Variants in GRAMD1A observed in about 807,000 individuals in gnomAD.
GRAMD1A encodes the protein GRAM domain containing 1A.
A neutral mutation model predicts 92.0 loss-of-function variants in GRAMD1A; 50 were observed. The observed-to-expected ratio is 0.54, with a 90% CI of 0.43 to 0.69. GRAMD1A has a LOEUF of 0.69. Ranked by LOEUF, GRAMD1A falls within the 30% of genes least tolerant of loss-of-function variation. The pLI is 0.00. For synonymous variants in GRAMD1A, 405 were observed against 403.6 expected, an observed-to-expected ratio of 1.00 and a Z score of -0.04; for missense variants, 819 against 978.9, an observed-to-expected ratio of 0.84 and a Z score of 2.18.
chr19:35,011,620 C>T (rs2015250958), intron 7 of GRAMD1A, 66 bp downstream of exon 7: 1 of 1,186,184 alleles, frequency 8.4e-7, no homozygotes, highest in Non-Finnish European at 1.2e-6. Context: ...CCAGGGACCC[C>T]AGAACTTGCG....
chr19:35,017,148 C>T (rs1475076315), intron 11 of GRAMD1A, among the ~76,000 whole-genome samples: 2 of 151,162 alleles, frequency 1.3e-5, no homozygotes, highest in Non-Finnish European at 2.9e-5. Flanking sequence ...GCACCTCAGC[C>T]TGGGTGACAG....
chr19:35,013,956 G>A lies in GRAMD1A; in HGVS notation c.871-233G>A, dbSNP rs191467953. On this transcript the variant is annotated intron_variant, in intron 9 of 19. Coordinates refer to ENST00000317991, the MANE Select transcript of GRAMD1A (RefSeq NM_020895.5). The surrounding 1 kb of genome is among the most constrained non-coding windows in gnomAD (Gnocchi z 4.9). Reference sequence around the variant, plus strand: ...TAGATGAAGCAGCAGACAGACAGACGGACAGGACAGGTAAGAAAGCTTATG... The same window carrying A: ...TAGATGAAGCAGCAGACAGACAGACAGACAGGACAGGTAAGAAAGCTTATG... Among the ~76,000 whole-genome samples the A allele has an allele frequency of 2.8e-3, 427 of 152,284 alleles. 2 individuals are homozygous for A. Among genetic ancestry groups the A allele is most frequent in the Non-Finnish European group, 4.7e-3 (317 of 68,020 alleles).
At chr19:35,014,833 C>T (rs910089977) in intron 10 of GRAMD1A, 4 of 177,792 alleles carry the variant, frequency 2.2e-5, no homozygotes, top group Non-Finnish European at 4.9e-5. Flanking sequence ...TGGAGAACAG[C>T]CTGGGCAGCA....
chr19:35,022,860 G>T, intron 16 of GRAMD1A, 40 bp from the exon 17 acceptor site: 2 of 1,596,840 alleles, frequency 1.3e-6, no homozygotes, highest in Non-Finnish European at 1.7e-6. Context: ...AGGCCAGGCG[G>T]CGCTCATCTC....
chr19:35,003,095 A>T (rs1412535712), intron 1 of GRAMD1A, among the ~76,000 whole-genome samples: 10 of 84,354 alleles, frequency 1.2e-4, no homozygotes, highest in Non-Finnish European at 2.1e-4. Flanking sequence ...TGTGTGTGTA[A>T]TTACTCTGTG....
At position 35,013,536 on chromosome 19, in the gene GRAMD1A, C is replaced by G; in HGVS notation, c.720-5C>G. The G allele has an allele frequency of 6.3e-7, 1 of 1,597,082 alleles. No individual in the cohort carries two copies. The highest frequency in any genetic ancestry group is 1.1e-5 in the South Asian group (1 of 89,118). On this transcript the variant is annotated splice_region_variant and splice_polypyrimidine_tract_variant and intron_variant, in intron 8 of 19. Transcript: ENST00000317991. The surrounding 1 kb of genome is among the most constrained non-coding windows in gnomAD (Gnocchi z 4.9). ...AGCAGTCCCGCTTCCTCCCCTTTCC[C>G]ACAGGACCCCCAAGGAAGTGGGAGA...
Position 35,010,371 on chromosome 19 carries a change from A to G in GRAMD1A, c.517A>G (p.Ser173Gly), listed in dbSNP as rs749761264. 2.5e-6 allele frequency: 4 copies of G among 1,611,664 alleles called. 1 individual carries two copies. In the South Asian group the frequency reaches 4.4e-5, roughly 18 times the overall value. The change falls in exon 6 of 20, where the codon AGC becomes GGC. Residue 173 changes from serine to glycine, a missense_variant. Ser to Gly is a moderately conservative substitution (Grantham distance 56, BLOSUM62 0). Coordinates refer to ENST00000317991, the MANE Select transcript of GRAMD1A (RefSeq NM_020895.5). ...CAACGCCATCCAGATCTGCACGGAG[A>G]GCGAGAAGGTGACGGAGGACCCGGT... The part of the protein sequence containing the change: ...IPNAIQICTE[S>G]EKHFFTSFGA...
At chr19:35,012,999 A>T (rs779025219) in intron 7 of GRAMD1A, 34 of 441,026 alleles carry the variant, frequency 7.7e-5, no homozygotes, top group Admixed American at 2.5e-4. Context: ...AAAAAGATAT[A>T]AAAAAAATGG....
upstream of GRAMD1A, chr19:34,998,136 T>G (rs1048972092): frequency 1.3e-5 from 2 of 149,884 alleles, no homozygotes; most frequent in Non-Finnish European, 1.5e-5. Flanking sequence ...AGAAGGCTCC[T>G]TGGGGGGCAC....
rs2014256004 is a variant in GRAMD1A at position 35,000,406 on chromosome 19, C to T, written c.-73C>T. On this transcript the variant is annotated 5_prime_UTR_variant, in exon 1 of 20. Coordinates refer to ENST00000317991, the MANE Select transcript of GRAMD1A (RefSeq NM_020895.5). The surrounding 1 kb of genome is among the most constrained non-coding windows in gnomAD (Gnocchi z 4.9). ...CCCTGCGGGGACGCCCAGCGCAGCC[C>T]AGCCCCGCGCAGCCCAGCCCTGCCC... is the stretch of plus-strand genomic sequence containing the variant. The T allele has an allele frequency of 1.8e-6, 2 of 1,137,684 alleles. No homozygotes were observed. Among genetic ancestry groups the T allele is most frequent in the Non-Finnish European group, 1.1e-6 (1 of 939,930 alleles). The allele number at this position is 1,137,684 out of a possible 1,614,324, so 70.5% of individuals were successfully genotyped here.
At position 35,000,832 on chromosome 19, in the gene GRAMD1A, A is replaced by C. The variant is rs2014310859; in HGVS notation, c.8+346A>C. The stretch of plus-strand genomic sequence containing the variant: ...CCCCCTGCCTGGTAAGCCAGGGGTG[A>C]GCGCGAGGCCGAACTGGGGCTCCGG... On this transcript the variant is annotated intron_variant, in intron 1 of 19. Coordinates refer to ENST00000317991, the MANE Select transcript of GRAMD1A (RefSeq NM_020895.5). The surrounding 1 kb of genome is among the most constrained non-coding windows in gnomAD (Gnocchi z 4.9). 6.6e-6 allele frequency among the ~76,000 whole-genome samples: 1 copy of C among 151,858 alleles called. No individual in the cohort carries two copies. Among genetic ancestry groups the C allele is most frequent in the South Asian group, 2.1e-4 (1 of 4,826 alleles).
At position 35,000,422 on chromosome 19, in the gene GRAMD1A, A is replaced by AGCCCT. The variant is rs3072398; in HGVS notation, c.-34_-30dup. The stretch of plus-strand genomic sequence containing the variant: ...AGCGCAGCCCAGCCCCGCGCAGCCC[A>AGCCCT]GCCCTGCCCTGCCCTGCCCTGCCCT... On this transcript the variant is annotated 5_prime_UTR_variant, in exon 1 of 20. Coordinates refer to ENST00000317991, the MANE Select transcript of GRAMD1A (RefSeq NM_020895.5). This position sits in a 1 kb window ranked among gnomAD's most constrained non-coding sequence, Gnocchi z 4.9. 1,030,588 of 1,137,784 alleles carry AGCCCT rather than the reference A, an allele frequency of 0.91. 466,746 individuals are homozygous for AGCCCT. The highest frequency in any genetic ancestry group is 0.99 in the East Asian group (26,524 of 26,908). The allele number at this position is 1,137,784 out of a possible 1,614,324, so 70.5% of individuals were successfully genotyped here.
intron 7 of GRAMD1A, among the ~76,000 whole-genome samples, chr19:35,012,455 C>T (rs1465838851): frequency 6.6e-6 from 1 of 152,266 alleles, no homozygotes; most frequent in Non-Finnish European, 1.5e-5. Context: ...TTACTGTTAA[C>T]TGTCATCACT....
At chr19:34,998,786 T>C (rs756939674), upstream of GRAMD1A, among the ~76,000 whole-genome samples, 7 of 128,152 alleles carry the variant, frequency 5.5e-5, no homozygotes, top group Non-Finnish European at 1.1e-4. Flanking sequence ...GGGGTTAGCA[T>C]GAGAGGTAGG....
chr19:34,995,585 T>TTG (rs200199925), upstream of GRAMD1A, among the ~76,000 whole-genome samples: 4,076 of 143,342 alleles, frequency 0.028, 325 homozygotes, highest in African/African-American at 0.1. Flanking sequence ...TTTTTTTTTT[T>TTG]TTTTTTTTTT....
At chr19:34,994,973 T>C (rs1385127799) in intron 1 of GRAMD1A, 1 of 152,264 alleles carries the variant, frequency 6.6e-6, no homozygotes, top group African/African-American at 2.4e-5. Context: ...AAGAAGCCCC[T>C]GTCTTGAGGA....
At chr19:35,006,398 CCT>C (rs1156417316) in intron 1 of GRAMD1A, among the ~76,000 whole-genome samples, 1 of 152,224 alleles carries the variant, frequency 6.6e-6, no homozygotes, top group African/African-American at 2.4e-5. Flanking sequence ...CTAGTTTCCT[CCT>C]CTGTAAAGCA....
At position 35,015,885 on chromosome 19, in the gene GRAMD1A, T is replaced by A; in HGVS notation, c.1131T>A (p.His377Gln). 3 of 1,614,110 alleles carry A rather than the reference T, an allele frequency of 1.9e-6. No homozygotes were observed. The highest frequency in any genetic ancestry group is 2.5e-6 in the Non-Finnish European group (3 of 1,179,986). The change falls in exon 11 of 20, where the codon CAT becomes CAA. Residue 377 changes from histidine (H) to glutamine (Q), a missense_variant. Transcript: ENST00000317991. ...SGRLLINSVF[H>Q]VGAERLQQML... is the part of the protein sequence containing the mutation. Reference sequence around the variant, plus strand: ...GCCTCCTCATCAACTCTGTCTTCCATGTGGGCGCTGAGCGGCTCCAGCAGA... The same window carrying A: ...GCCTCCTCATCAACTCTGTCTTCCAAGTGGGCGCTGAGCGGCTCCAGCAGA...
chr19:35,016,908 A>C (rs1455980458), intron 11 of GRAMD1A, among the ~76,000 whole-genome samples: 3 of 150,796 alleles, frequency 2.0e-5, no homozygotes, highest in Non-Finnish European at 3.0e-5. Context: ...CTGTCTCAAA[A>C]AAAAAAAAAA....
Sources: allele counts gnomAD v4.1 joint callset (sites outside exome capture counted in the v4.1 genomes callset), GRCh38; gene constraint gnomAD v4.1.1; non-coding constraint Gnocchi (gnomAD v3.1); transcripts MANE v1.5; gene names NCBI Gene and HGNC (gene_info 2026-07-23, HGNC 2026-07-21).